CDC25C: variants seen among roughly 807,000 people sequenced by gnomAD.
CDC25C encodes the protein M-phase inducer phosphatase 3.
In CDC25C, 48 loss-of-function variants were observed where a neutral mutation model predicts 52.5. That is an observed-to-expected ratio of 0.91 (90% CI 0.72 to 1.16). The LOEUF (loss-of-function observed/expected upper bound fraction) is 1.16, where lower values mean the gene tolerates loss of function less well. Ranked by LOEUF, CDC25C falls within the 50% of genes most tolerant of loss-of-function variation. The probability of loss-of-function intolerance (pLI) is 0.00; values close to 1 mark genes in which losing one functional copy is unlikely to be tolerated. For missense variants in CDC25C, 510 were observed against 566.1 expected, an observed-to-expected ratio of 0.90 and a Z score of 1.01; for synonymous variants, 187 against 206.5, an observed-to-expected ratio of 0.91 and a Z score of 0.81.
At chr5:138,325,454 TA>T (rs536064504) in intron 6 of CDC25C, among the ~76,000 whole-genome samples, 3 of 151,642 alleles carry the variant, frequency 2.0e-5, no homozygotes, top group African/African-American at 4.8e-5. Flanking sequence ...TGTAAAGTGG[TA>T]AAAAAAAATC....
intron 8 of CDC25C, among the ~76,000 whole-genome samples, 188 bp downstream of exon 8, chr5:138,291,782 T>A (rs1004519272): frequency 4.1e-5 from 6 of 148,022 alleles, no homozygotes; most frequent in African/African-American, 4.9e-5. Context: ...TATAAATATT[T>A]TATATATATA....
At chr5:138,333,241 T>C (rs1370107892), upstream of CDC25C, among the ~76,000 whole-genome samples, 1 of 152,178 alleles carries the variant, frequency 6.6e-6, no homozygotes, top group African/African-American at 2.4e-5. Flanking sequence ...AAAACGATAA[T>C]TCGATAGGTC....
chr5:138,299,007 T>A (rs1349116807), intron 7 of CDC25C, among the ~76,000 whole-genome samples: 67 of 125,136 alleles, frequency 5.4e-4, no homozygotes, highest in Middle Eastern at 6.6e-3. Context: ...AGCCTGGCCA[T>A]CATGGTGAAA....
At chr5:138,295,029 G>A (rs1003023223) in intron 7 of CDC25C, among the ~76,000 whole-genome samples, 4 of 152,110 alleles carry the variant, frequency 2.6e-5, no homozygotes, top group African/African-American at 9.7e-5. Flanking sequence ...TATGATGTAC[G>A]GTATGGGTTA....
rs563929366 is a variant in CDC25C, at chr5:138,288,153, G to A, written c.928-886C>T. Among the ~76,000 whole-genome samples the A allele has an allele frequency of 7.2e-5, 11 of 152,030 alleles. No homozygotes were observed. In the East Asian group the frequency reaches 1.2e-3, roughly 16 times the overall value. ...TACAATGGTGCCATCTTGGCTCACC[G>A]CAACCTCTGCCTCCCGGGTTCAAGC... On this transcript the variant is annotated intron_variant, in intron 10 of 13. Transcript: ENST00000323760.
At chr5:138,335,885 ATTAAT>A (rs1236349341), upstream of CDC25C, among the ~76,000 whole-genome samples, 1 of 151,294 alleles carries the variant, frequency 6.6e-6, no homozygotes, top group East Asian at 1.9e-4. Flanking sequence ...TAATTAAATT[ATTAAT>A]TTAATTAATA....
intron 7 of CDC25C, among the ~76,000 whole-genome samples, chr5:138,294,260 C>T (rs1431274873): frequency 2.0e-5 from 3 of 150,970 alleles, no homozygotes; most frequent in Non-Finnish European, 4.4e-5. Context: ...GGCACGATCT[C>T]GGCTCATTGC....
intron 4 of CDC25C, 37 bp downstream of exon 4, chr5:138,328,447 G>C: frequency 1.2e-6 from 2 of 1,600,786 alleles, no homozygotes; most frequent in Non-Finnish European, 1.7e-6. Flanking sequence ...AGTGCTAAAA[G>C]GCTTTTGTGT....
intron 6 of CDC25C, among the ~76,000 whole-genome samples, chr5:138,320,915 CAAAAAAAAA>C (rs57923567): frequency 2.6e-4 from 11 of 42,258 alleles, no homozygotes; most frequent in South Asian, 1.7e-3. Context: ...GACTCTGTCT[CAAAAAAAAA>C]AAAAAAAAAA....
chr5:138,299,581 G>C (rs542972304), intron 7 of CDC25C, among the ~76,000 whole-genome samples: 1 of 151,296 alleles, frequency 6.6e-6, no homozygotes, highest in East Asian at 1.9e-4. Context: ...AGAAATCATA[G>C]GAAAATCAGA....
chr5:138,334,212 G>A (rs1336129406), upstream of CDC25C, among the ~76,000 whole-genome samples: 1 of 152,066 alleles, frequency 6.6e-6, no homozygotes, highest in Non-Finnish European at 1.5e-5. Flanking sequence ...GGGATTACAG[G>A]CATGAGCCAC....
At position 138,286,581 on chromosome 5, in the gene CDC25C, T is replaced by C. The variant is rs745766399; in HGVS notation, c.1076A>G (p.Lys359Arg). 6.2e-7 allele frequency: 1 copy of C among 1,613,864 alleles called. No individual in the cohort carries two copies. Among genetic ancestry groups the C allele is most frequent in the South Asian group, 1.1e-5 (1 of 91,052 alleles). Reference protein sequence around the residue: ...SQEELFNFFLKKPIVPLDTQK... With the variant: ...SQEELFNFFLRKPIVPLDTQK... ...GGTGTCCAAAGGGACGATGGGCTTCTTCAGAAAGAAGTTAAACAGTTCTTC... is the reference window on the plus strand; with the variant it reads ...GGTGTCCAAAGGGACGATGGGCTTCCTCAGAAAGAAGTTAAACAGTTCTTC... Residue 359 changes from lysine to arginine, a missense_variant, in exon 12 of 14, where the codon AAG becomes AGG. Physicochemically the swap from Lys to Arg is conservative, Grantham distance 26. Transcript: ENST00000323760.
intron 7 of CDC25C, among the ~76,000 whole-genome samples, chr5:138,309,847 C>T (rs1758310993): frequency 6.6e-6 from 1 of 151,500 alleles, no homozygotes; most frequent in African/African-American, 2.4e-5. Context: ...GCTGGGATTA[C>T]AGGCACCTGC....
intron 10 of CDC25C, among the ~76,000 whole-genome samples, chr5:138,289,056 T>A (rs938528631): frequency 3.3e-5 from 5 of 152,120 alleles, no homozygotes; most frequent in African/African-American, 1.2e-4. Context: ...CCTCCCCAAC[T>A]GGGGTTCAAG....
chr5:138,314,004 T>TC (rs1273398186), intron 7 of CDC25C, among the ~76,000 whole-genome samples: 5 of 147,382 alleles, frequency 3.4e-5, no homozygotes, highest in Admixed American at 1.4e-4. Flanking sequence ...TCTTTTTTTT[T>TC]TTTTTTTGAG....
chr5:138,303,430 G>A lies in CDC25C; in HGVS notation c.616-11314C>T, dbSNP rs146877655. Among the ~76,000 whole-genome samples, 257 of 152,180 alleles carry A rather than the reference G, an allele frequency of 1.7e-3. 2 individuals are homozygous for A. Among genetic ancestry groups the A allele is most frequent in the African/African-American group, 5.9e-3 (247 of 41,522 alleles). On this transcript the variant is annotated intron_variant, in intron 7 of 13. Transcript: ENST00000323760. ...TACAAATGCCTACAAGGCCCTACAC[G>A]ATCTGTCCTTCTGCTAACTCCTCTC...
intron 10 of CDC25C, among the ~76,000 whole-genome samples, 166 bp from the exon 11 acceptor site, chr5:138,287,433 A>G (rs1260682916): frequency 6.6e-6 from 1 of 152,186 alleles, no homozygotes; most frequent in Non-Finnish European, 1.5e-5. Context: ...CCACTCCACA[A>G]AAGAGAATGA....
chr5:138,309,334 T>G (rs928662389), intron 7 of CDC25C, among the ~76,000 whole-genome samples: 7 of 151,956 alleles, frequency 4.6e-5, no homozygotes, highest in Admixed American at 2.0e-4. Flanking sequence ...AGCAGGTGGA[T>G]CACCTGAGAT....
In CDC25C at chr5:138,285,604, G is replaced by A; in HGVS notation, c.*88C>T. 2 of 1,193,222 alleles carry A rather than the reference G, an allele frequency of 1.7e-6. No homozygotes were observed. Among genetic ancestry groups the A allele is most frequent in the Non-Finnish European group, 2.4e-6 (2 of 827,346 alleles). 73.9% of individuals were successfully genotyped at this position (1,193,222 alleles called of 1,614,324 possible). ...TGCAGAGACATCTTTTAATAATCTT[G>A]GGTTTGGCCATCCAGAAGGCCTCTT... is the stretch of plus-strand genomic sequence containing the variant. On this transcript the variant is annotated 3_prime_UTR_variant, in exon 14 of 14. Coordinates refer to ENST00000323760, the MANE Select transcript of CDC25C (RefSeq NM_001790.5).
Sources: gnomAD v4.1 joint callset for allele counts (sites outside exome capture counted in the v4.1 genomes callset) on GRCh38, gnomAD v4.1.1 for gene constraint, MANE v1.5 for transcripts, NCBI Gene and HGNC (gene_info 2026-07-23, HGNC 2026-07-21) for gene names.